TMEM132B: variants seen among roughly 807,000 people sequenced by gnomAD.
TMEM132B encodes transmembrane protein 132B.
A neutral mutation model predicts 90.8 loss-of-function variants in TMEM132B; 18 were observed. The ratio of observed to expected loss-of-function variants is 0.20; its 90% CI spans 0.14 to 0.29. The LOEUF (loss-of-function observed/expected upper bound fraction) is 0.29. Among genes scored for constraint, TMEM132B ranks in the 10% least tolerant of loss-of-function variants. TMEM132B has a pLI of 1.00. For missense variants in TMEM132B, 1,096 were observed against 1,326.8 expected, an observed-to-expected ratio of 0.83 and a Z score of 2.70; for synonymous variants, 504 against 523.3, an observed-to-expected ratio of 0.96 and a Z score of 0.50.
chr12:125,578,420 A>G (rs1178901500), intron 4 of TMEM132B, among the ~76,000 whole-genome samples: 1 of 152,224 alleles, frequency 6.6e-6, no homozygotes, highest in Non-Finnish European at 1.5e-5. Flanking sequence ...ACAAACATCT[A>G]TAATTATTCC....
intron 5 of TMEM132B, among the ~76,000 whole-genome samples, chr12:125,633,754 C>G (rs1593034694): frequency 1.3e-5 from 2 of 152,322 alleles, no homozygotes; most frequent in South Asian, 2.1e-4. Flanking sequence ...ATTCTCTTCC[C>G]TTACTTTCTT....
At chr12:125,461,793 C>G (rs1209545667) in intron 3 of TMEM132B, among the ~76,000 whole-genome samples, 1 of 152,224 alleles carries the variant, frequency 6.6e-6, no homozygotes, top group African/African-American at 2.4e-5. Flanking sequence ...TTCCTCCCGG[C>G]GCTGCCAGGC....
intron 4 of TMEM132B, among the ~76,000 whole-genome samples, chr12:125,563,607 A>AAAAAC (rs374367688): frequency 6.7e-6 from 1 of 149,696 alleles, no homozygotes; most frequent in Non-Finnish European, 1.5e-5. Context: ...ACAAAAAAAA[A>AAAAAC]CCCCACAGTA....
chr12:125,469,963 G>A (rs999550355), intron 3 of TMEM132B, among the ~76,000 whole-genome samples: 4 of 152,194 alleles, frequency 2.6e-5, no homozygotes, highest in Non-Finnish European at 5.9e-5. Flanking sequence ...CACCAAGGCA[G>A]GGAGGCTGCA....
chr12:125,256,677 G>A (rs1166269469), intron 1 of TMEM132B, among the ~76,000 whole-genome samples: 1 of 152,164 alleles, frequency 6.6e-6, no homozygotes, highest in Non-Finnish European at 1.5e-5. Flanking sequence ...TTTGTATTAG[G>A]TTGGTGCAAA....
intron 2 of TMEM132B, among the ~76,000 whole-genome samples, chr12:125,403,297 A>G (rs1395335759): frequency 6.6e-6 from 1 of 152,158 alleles, no homozygotes. Flanking sequence ...GTGGCCCCTC[A>G]GGCCACATCC....
At chr12:125,461,918 A>T (rs760305267) in intron 3 of TMEM132B, among the ~76,000 whole-genome samples, 4 of 152,198 alleles carry the variant, frequency 2.6e-5, no homozygotes, top group Non-Finnish European at 5.9e-5. Context: ...TTCAATCTTC[A>T]TAGAAAGCAA....
chr12:125,651,071 T>C (rs886818), intron 7 of TMEM132B, 118 bp downstream of exon 7: 170,347 of 1,364,332 alleles, frequency 0.12, 11,733 homozygotes, highest in South Asian at 0.19. Flanking sequence ...TATCAACGTG[T>C]GTCACTGTGC....
intron 3 of TMEM132B, among the ~76,000 whole-genome samples, chr12:125,494,785 C>T (rs77534027): frequency 0.043 from 4,453 of 104,190 alleles, 106 homozygotes; most frequent in Middle Eastern, 0.085. Context: ...TTCCTCCTCC[C>T]CCTCTTCCCC....
At position 125,532,333 on chromosome 12, in the gene TMEM132B, A is replaced by G. The variant is rs898409027; in HGVS notation, c.1293+12708A>G. On this transcript the variant is annotated intron_variant, in intron 4 of 8. Coordinates refer to ENST00000682704, the MANE Select transcript of TMEM132B (RefSeq NM_001366854.1). ...AATTTTTAAAGACTCTGTCAATATC[A>G]TTAATATCTATGACCTGTCTCACAA... is the stretch of plus-strand genomic sequence containing the variant. Among the ~76,000 whole-genome samples, 3 of 152,202 alleles carry G rather than the reference A, an allele frequency of 2.0e-5. No individual in the cohort carries two copies. The East Asian group carries it at 5.8e-4, about 29-fold the overall frequency.
At chr12:125,454,392 TTGTGTGTGTG>T (rs749400783) in intron 3 of TMEM132B, among the ~76,000 whole-genome samples, 7 of 112,082 alleles carry the variant, frequency 6.2e-5, no homozygotes, top group South Asian at 3.4e-4. Flanking sequence ...GTGTGTGTGT[TTGTGTGTGTG>T]TGTGTGTGTG....
At chr12:125,223,791 A>AT (rs777288704) in intron 1 of TMEM132B, among the ~76,000 whole-genome samples, 173 of 148,494 alleles carry the variant, frequency 1.2e-3, no homozygotes, top group Non-Finnish European at 1.9e-3. Flanking sequence ...TTTGTATAAT[A>AT]TTTTTTTTTT....
chr12:125,273,805 A>G (rs538788645), intron 1 of TMEM132B, among the ~76,000 whole-genome samples: 2 of 152,248 alleles, frequency 1.3e-5, no homozygotes, highest in African/African-American at 4.8e-5. Context: ...AGCCTGGATT[A>G]CAGGCACATA....
chr12:125,301,137 A>G (rs1338722381), intron 1 of TMEM132B: 1 of 152,108 alleles, frequency 6.6e-6, no homozygotes, highest in East Asian at 1.9e-4. Flanking sequence ...ATCTCATAAA[A>G]GCTGACATTT....
At chr12:125,341,957 C>T (rs1877194316) in intron 1 of TMEM132B, among the ~76,000 whole-genome samples, 1 of 152,168 alleles carries the variant, frequency 6.6e-6, no homozygotes, top group African/African-American at 2.4e-5. Context: ...TTCCCTTTAC[C>T]TTCACTCAAA....
intron 1 of TMEM132B, among the ~76,000 whole-genome samples, chr12:125,256,305 GCAACTTAAGAA>G (rs1316022901): frequency 6.6e-6 from 1 of 152,216 alleles, no homozygotes; most frequent in African/African-American, 2.4e-5. Context: ...CTCGCTGAGG[GCAACTTAAGAA>G]CATCAGCTGT....
chr12:125,530,110 G>A (rs1883605398), intron 4 of TMEM132B, among the ~76,000 whole-genome samples: 1 of 152,110 alleles, frequency 6.6e-6, no homozygotes, highest in Non-Finnish European at 1.5e-5. Flanking sequence ...AAAACAAATG[G>A]CATTATGTTG....
intron 6 of TMEM132B, among the ~76,000 whole-genome samples, chr12:125,648,106 A>G (rs937451995): frequency 8.1e-6 from 1 of 122,746 alleles, no homozygotes; most frequent in Non-Finnish European, 1.6e-5. Flanking sequence ...TCCTGTGACC[A>G]TGTGATCTCA....
At chr12:125,645,166 C>T (rs1031424703) in intron 6 of TMEM132B, among the ~76,000 whole-genome samples, 6 of 146,566 alleles carry the variant, frequency 4.1e-5, no homozygotes, top group Admixed American at 2.1e-4. Flanking sequence ...TGCAGTGAGC[C>T]GAGATCTTGC....
Sources: gnomAD v4.1 joint callset for allele counts (sites outside exome capture counted in the v4.1 genomes callset) on GRCh38, gnomAD v4.1.1 for gene constraint, MANE v1.5 for transcripts, NCBI Gene and HGNC (gene_info 2026-07-23, HGNC 2026-07-21) for gene names.